BHLHE41: variants seen among roughly 807,000 people sequenced by gnomAD.
BHLHE41 encodes class E basic helix-loop-helix protein 41.
In BHLHE41, 14 loss-of-function variants were observed where a neutral mutation model predicts 24.0. The observed-to-expected ratio is 0.58, with a 90% CI of 0.39 to 0.91. BHLHE41 has a LOEUF of 0.91. BHLHE41 is among the 40% of genes least tolerant of loss of function. BHLHE41 has a pLI of 0.00. For synonymous variants in BHLHE41, 394 were observed against 315.5 expected, an observed-to-expected ratio of 1.25 and a Z score of -2.64; for missense variants, 674 against 655.4, an observed-to-expected ratio of 1.03 and a Z score of -0.31.
Position 26,121,931 on chromosome 12 carries a change from G to A in BHLHE41, c.*135C>T, listed in dbSNP as rs1591837845. On this transcript the variant is annotated 3_prime_UTR_variant, in exon 5 of 5. Transcript: ENST00000242728. ...CACCTGTTTTGTTGTTCTTGTTTAT[G>A]CCTGTCGTGCATCTATTACACTTCC... 2 of 1,533,462 alleles carry A rather than the reference G, an allele frequency of 1.3e-6. No homozygotes were observed. Among genetic ancestry groups the A allele is most frequent in the Non-Finnish European group, 1.8e-6 (2 of 1,139,362 alleles). The allele number at this position is 1,533,462 out of a possible 1,614,324, so 95.0% of individuals were successfully genotyped here.
chr12:26,122,961 G>T lies in BHLHE41; in HGVS notation c.554C>A (p.Pro185His). The change falls in exon 5 of 5, where the codon CCT becomes CAT. Residue 185 changes from proline to histidine, a missense_variant. Pro to His is a moderately conservative substitution (Grantham distance 77). This residue lies in a region of BHLHE41 where 602 missense variants were observed against 570.8 expected (regional missense o/e 1.05). Transcript: ENST00000242728. The stretch of plus-strand genomic sequence containing the variant: ...GGGAGCGCCGGTGCCTTTGCTCAGA[G>T]GGACCTGTTGAGTCAACAGCTGCGG... ...PTPQLLTQQV[P>H]LSKGTGAPSA... 6.4e-7 allele frequency: 1 copy of T among 1,560,256 alleles called. No homozygotes were observed. Among genetic ancestry groups the T allele is most frequent in the East Asian group, 2.4e-5 (1 of 41,536 alleles).
Position 26,123,189 on chromosome 12 carries a change from G to T in BHLHE41, c.347-21C>A, listed in dbSNP as rs777704936. On this transcript the variant is annotated intron_variant, in intron 4 of 4. Transcript: ENST00000242728. ...CTCCCCTAGGATGAGGAAGGGATGG[G>T]GGTGGGGGACGGAGGAGTGGAGGCA... The T allele has an allele frequency of 4.5e-6, 7 of 1,565,716 alleles. No homozygotes were observed. The African/African-American group carries it at 8.1e-5, about 18-fold the overall frequency.
At chr12:26,123,242 C>A (rs1591839120) in intron 4 of BHLHE41, 74 bp from the exon 5 acceptor site, 2 of 1,483,322 alleles carry the variant, frequency 1.3e-6, no homozygotes, top group East Asian at 4.7e-5. Context: ...GTTAAAACAT[C>A]TGCTTATCAC....
At position 26,124,759 on chromosome 12, in the gene BHLHE41, A is replaced by G. The variant is rs1944348437; in HGVS notation, c.21T>C (p.His7=). The stretch of plus-strand genomic sequence containing the variant: ...GTTCCAGTAACTGTCTCTCTTGCAA[A>G]TGAGGAATTCCTTCGTCCATGTTCA... MDEGIP[H]LQERQLLEHR... Residue 7 remains histidine, a synonymous_variant, in exon 1 of 5, where the codon CAT becomes CAC. Transcript: ENST00000242728. The G allele has an allele frequency of 5.0e-6, 8 of 1,614,188 alleles. No homozygotes were observed. The highest frequency in any genetic ancestry group is 1.3e-5 in the African/African-American group (1 of 75,052).
chr12:26,122,755 T>C lies in BHLHE41; in HGVS notation c.760A>G (p.Lys254Glu), dbSNP rs1034367256. 1 of 1,596,536 alleles carries C rather than the reference T, an allele frequency of 6.3e-7. No homozygotes were observed. The highest frequency in any genetic ancestry group is 8.5e-7 in the Non-Finnish European group (1 of 1,176,504). The change falls in exon 5 of 5, where the codon AAA becomes GAA. Residue 254 changes from lysine to glutamate, a missense_variant. Around this residue, in one of 3 missense-constraint regions of BHLHE41, gnomAD observed 602 missense variants for 570.8 expected, o/e 1.05. Transcript: ENST00000242728. ...CGGCTCGCCCCCGCGCCTTTGCCTT[T>C]CTCGCGGTCCGGCCGGGCCTCGGCT... is the stretch of plus-strand genomic sequence containing the variant. ...GEAEARPDRE[K>E]GKGAGASRVT... is the part of the protein sequence containing the mutation.
Position 26,121,862 on chromosome 12 carries a change from G to C in BHLHE41, c.*204C>G. 2 of 1,301,474 alleles carry C rather than the reference G, an allele frequency of 1.5e-6. No homozygotes were observed. Among genetic ancestry groups the C allele is most frequent in the Non-Finnish European group, 2.1e-6 (2 of 962,966 alleles). The allele number at this position is 1,301,474 out of a possible 1,614,324, so 80.6% of individuals were successfully genotyped here. A position where few individuals can be genotyped will look rare whatever the true frequency, so the allele number is the denominator to read the frequency against. ...GGGATGTTAGTGTGTGGAGGGTGGG[G>C]TGGTGCGGGATGAGCAAAACAGGAA... On this transcript the variant is annotated 3_prime_UTR_variant, in exon 5 of 5. Transcript: ENST00000242728.
Position 26,124,186 on chromosome 12 carries a change from A to C in BHLHE41, c.127-7T>G. 1 of 1,549,814 alleles carries C rather than the reference A, an allele frequency of 6.5e-7. No homozygotes were observed. Among genetic ancestry groups the C allele is most frequent in the East Asian group, 2.2e-5 (1 of 44,564 alleles). On this transcript the variant is annotated splice_polypyrimidine_tract_variant and splice_region_variant and intron_variant, in intron 2 of 4. Coordinates refer to ENST00000242728, the MANE Select transcript of BHLHE41 (RefSeq NM_030762.3). ...GCGGTAATTTGTAGGTATCCTTAATATATGAGAGTCATGGAAAAGAGAAAA... is the reference window on the plus strand; with the variant it reads ...GCGGTAATTTGTAGGTATCCTTAATCTATGAGAGTCATGGAAAAGAGAAAA...
In BHLHE41 at chr12:26,120,736, C is replaced by T. The variant is rs998420812; in HGVS notation, c.*1330G>A. 3 of 152,648 alleles carry T rather than the reference C, an allele frequency of 2.0e-5. No homozygotes were observed. Among genetic ancestry groups the T allele is most frequent in the African/African-American group, 7.2e-5 (3 of 41,440 alleles). The allele number at this position is 152,648 out of a possible 1,614,324, so 9.5% of individuals were successfully genotyped here. On this transcript the variant is annotated 3_prime_UTR_variant, in exon 5 of 5. Coordinates refer to ENST00000242728, the MANE Select transcript of BHLHE41 (RefSeq NM_030762.3). ...CTGACGAAAAGACCCAGATATTTTC[C>T]TCACTCATAGTCAGACTGTTGTGTC...
In BHLHE41 at chr12:26,120,596, T is replaced by G. The variant is rs902833868; in HGVS notation, c.*1470A>C. On this transcript the variant is annotated 3_prime_UTR_variant, in exon 5 of 5. Transcript: ENST00000242728. ...AAAATAGCATGTCAGACATCATTAATTGGATGTATTAACAACTATGTACAT... is the reference window on the plus strand; with the variant it reads ...AAAATAGCATGTCAGACATCATTAAGTGGATGTATTAACAACTATGTACAT... 1 of 152,654 alleles carries G rather than the reference T, an allele frequency of 6.6e-6. No individual in the cohort carries two copies. The highest frequency in any genetic ancestry group is 2.1e-4 in the South Asian group (1 of 4,830). The allele number at this position is 152,654 out of a possible 1,614,324, so 9.5% of individuals were successfully genotyped here. A position where few individuals can be genotyped will look rare whatever the true frequency, so the allele number is the denominator to read the frequency against.
chr12:26,121,906 C>T lies in BHLHE41; in HGVS notation c.*160G>A. ...ACAGGAACTCCGAATGTACACATAA[C>T]ACCTGTTTTGTTGTTCTTGTTTATG... On this transcript the variant is annotated 3_prime_UTR_variant, in exon 5 of 5. Transcript: ENST00000242728. The T allele has an allele frequency of 6.6e-7, 1 of 1,519,354 alleles. No individual in the cohort carries two copies. Among genetic ancestry groups the T allele is most frequent in the South Asian group, 1.2e-5 (1 of 81,664 alleles). 94.1% of individuals were successfully genotyped at this position (1,519,354 alleles called of 1,614,324 possible).
intron 1 of BHLHE41, 58 bp from the exon 2 acceptor site, chr12:26,124,640 G>C: frequency 6.2e-7 from 1 of 1,610,892 alleles, no homozygotes; most frequent in African/African-American, 1.3e-5. Context: ...GCCCTCGCCA[G>C]CTCCATACCA....
chr12:26,123,831 G>A (rs1944336942), intron 3 of BHLHE41, 90 bp from the exon 4 acceptor site: 4 of 889,436 alleles, frequency 4.5e-6, no homozygotes, highest in Non-Finnish European at 7.6e-6. Context: ...AGCAATTTAA[G>A]CAAACACTTT....
At chr12:26,124,415 C>T in intron 2 of BHLHE41, 104 bp downstream of exon 2, 2 of 1,306,264 alleles carry the variant, frequency 1.5e-6, no homozygotes, top group African/African-American at 1.5e-5. Context: ...GTTGGGGAAG[C>T]TCAGGGGCTG....
At position 26,124,829 on chromosome 12, in the gene BHLHE41, A is replaced by G. The variant is rs1944349159; in HGVS notation, c.-50T>C. On this transcript the variant is annotated 5_prime_UTR_variant, in exon 1 of 5. Transcript: ENST00000242728. ...GTTTCGATTTTTGGGGCTCTGTACA[A>G]TAATCTGTGGGACGGTAGGCTTGGG... is the stretch of plus-strand genomic sequence containing the variant. 2 of 1,586,904 alleles carry G rather than the reference A, an allele frequency of 1.3e-6. No homozygotes were observed. The highest frequency in any genetic ancestry group is 1.7e-6 in the Non-Finnish European group (2 of 1,155,788).
Position 26,123,145 on chromosome 12 carries a change from T to A in BHLHE41, c.370A>T (p.Ile124Phe). 1.3e-6 allele frequency: 2 copies of A among 1,599,840 alleles called. No homozygotes were observed. The highest frequency in any genetic ancestry group is 1.7e-6 in the Non-Finnish European group (2 of 1,170,104). The change falls in exon 5 of 5, where the codon ATT (isoleucine) becomes TTT (phenylalanine). Residue 124 changes from isoleucine to phenylalanine, a missense_variant. By Grantham distance (21) the Ile-to-Phe change is conservative (BLOSUM62 0). Coordinates refer to ENST00000242728, the MANE Select transcript of BHLHE41 (RefSeq NM_030762.3). ...TGGAACGCATCCAAGTCGGACTGAA[T>A]GGGCGATTTCAGAGATCGCTCCCCT... is the stretch of plus-strand genomic sequence containing the variant. ...QNGERSLKSP[I>F]QSDLDAFHSG...
rs1944314997 is a variant in BHLHE41 at position 26,122,294 on chromosome 12, G to GGCGGCA, written c.1215_1220dup (p.Ala410_Ala411dup). 13 of 1,188,300 alleles carry GGCGGCA rather than the reference G, an allele frequency of 1.1e-5. No homozygotes were observed. Among genetic ancestry groups the GGCGGCA allele is most frequent in the Admixed American group, 4.5e-5 (1 of 21,998 alleles). The allele number at this position is 1,188,300 out of a possible 1,614,324, so 73.6% of individuals were successfully genotyped here. On this transcript the variant is annotated inframe_insertion, in exon 5 of 5. Transcript: ENST00000242728. ...ACAGGCAGGGGAACGCGGCGGCGGC[G>GGCGGCA]GCGGCAGCGGCGGCGGCGGCTGCCG...
rs777305928 is a variant in BHLHE41 at position 26,124,172 on chromosome 12, T to C, written c.134A>G (p.Tyr45Cys). Residue 45 changes from tyrosine (Y) to cysteine (C), a missense_variant, in exon 3 of 5, where the codon TAC (tyrosine) becomes TGC (cysteine). Physicochemically the swap from Tyr to Cys is radical, Grantham distance 194 (BLOSUM62 -2). Around this residue, in one of 3 missense-constraint regions of BHLHE41, gnomAD observed 67 missense variants for 62.4 expected, o/e 1.07. Coordinates refer to ENST00000242728, the MANE Select transcript of BHLHE41 (RefSeq NM_030762.3). ...SMKRDDTKDT[Y>C]KLPHRLIEKK... ...TTCTATTAATCTGTGCGGTAATTTGTAGGTATCCTTAATATATGAGAGTCA... is the reference window on the plus strand; with the variant it reads ...TTCTATTAATCTGTGCGGTAATTTGCAGGTATCCTTAATATATGAGAGTCA... The C allele has an allele frequency of 1.3e-6, 2 of 1,590,264 alleles. No individual in the cohort carries two copies. The highest frequency in any genetic ancestry group is 1.3e-5 in the African/African-American group (1 of 74,524).
In BHLHE41 at chr12:26,122,642, G is replaced by A; in HGVS notation, c.873C>T (p.Gly291=). ...CCGCCGCCGCGCCGCCCCCCGGGCC[G>A]CCGCCGCTGCCGCCGCCGCGGGAAT... The part of the protein sequence containing the change: ...KLDSRGGGSG[G]GPGGGAAAAA... Residue 291 remains glycine (G), a synonymous_variant, in exon 5 of 5, where the codon GGC becomes GGT. Transcript: ENST00000242728. 2 of 1,308,390 alleles carry A rather than the reference G, an allele frequency of 1.5e-6. No individual in the cohort carries two copies. Among genetic ancestry groups the A allele is most frequent in the Non-Finnish European group, 9.8e-7 (1 of 1,022,708 alleles). The allele number at this position is 1,308,390 out of a possible 1,614,324, so 81.0% of individuals were successfully genotyped here. A position where few individuals can be genotyped will look rare whatever the true frequency, so the allele number is the denominator to read the frequency against.
At position 26,122,124 on chromosome 12, in the gene BHLHE41, C is replaced by T. The variant is rs1822037507; in HGVS notation, c.1391G>A (p.Gly464Glu). 2 of 1,549,172 alleles carry T rather than the reference C, an allele frequency of 1.3e-6. No individual in the cohort carries two copies. Among genetic ancestry groups the T allele is most frequent in the Non-Finnish European group, 1.7e-6 (2 of 1,146,444 alleles). ...TTCCTGAGCAGAGCTCTCCGGGTTC[C>T]CCGGCTCGCGGGGCCCGGCGAAGGG... ...HLPFAGPREP[G>E]NPESSAQEDP... Residue 464 changes from glycine (G) to glutamate (E), a missense_variant, in exon 5 of 5, where the codon GGG becomes GAG. Physicochemically the swap from Gly to Glu is moderately conservative, Grantham distance 98 (BLOSUM62 -2). This residue lies in a region of BHLHE41 where 602 missense variants were observed against 570.8 expected (regional missense o/e 1.05). Coordinates refer to ENST00000242728, the MANE Select transcript of BHLHE41 (RefSeq NM_030762.3).
Sources: allele counts gnomAD v4.1 joint callset, GRCh38; gene constraint gnomAD v4.1.1; regional missense constraint gnomAD v4.1.1; transcripts MANE v1.5; gene names NCBI Gene and HGNC (gene_info 2026-07-23, HGNC 2026-07-21).